Variants in NETO2 observed in about 807,000 individuals in gnomAD.
The protein encoded by NETO2 is neuropilin and tolloid-like protein 2.
Under a neutral mutation model 62.5 loss-of-function variants are expected in NETO2, and 28 were observed. The ratio of observed to expected loss-of-function variants is 0.45; its 90% CI spans 0.33 to 0.61. NETO2 has a LOEUF of 0.61. Ranked by LOEUF, NETO2 falls within the 20% of genes least tolerant of loss-of-function variation. The pLI is 0.02. For missense variants in NETO2, 548 were observed against 643.2 expected (o/e 0.85, Z 1.60); for synonymous variants, 214 against 219.1 (o/e 0.98, Z 0.21).
chr16:47,143,442 A>T, intron 1 of NETO2, 137 bp downstream of exon 1: 1 of 1,065,248 alleles, frequency 9.4e-7, no homozygotes, highest in Non-Finnish European at 1.2e-6. Context: ...GTCCGCTCCG[A>T]GTAGCCGCGA....
chr16:47,131,278 A>G (rs1170830287), intron 2 of NETO2, among the ~76,000 whole-genome samples: 1 of 152,128 alleles, frequency 6.6e-6, no homozygotes, highest in Non-Finnish European at 1.5e-5. Context: ...ACGGTGAAAA[A>G]TCATTATCTA....
chr16:47,110,561 C>A (rs1365943298), intron 6 of NETO2, among the ~76,000 whole-genome samples: 3 of 152,152 alleles, frequency 2.0e-5, no homozygotes, highest in Non-Finnish European at 4.4e-5. Flanking sequence ...AAATGTGCGT[C>A]CTTCTCATTC....
chr16:47,128,049 A>T (rs1964191538), intron 4 of NETO2, among the ~76,000 whole-genome samples: 1 of 152,084 alleles, frequency 6.6e-6, no homozygotes, highest in Admixed American at 6.5e-5. Context: ...AATGTATTTT[A>T]AATGTTAGCC....
Position 47,128,473 on chromosome 16 carries a change from T to C in NETO2, c.333A>G (p.Pro111=), listed in dbSNP as rs1244668900. ...RFDHLEVRDG[P]FGFSPLIDRY... The stretch of plus-strand genomic sequence containing the variant: ...GATCTATAAGAGGAGAGAAACCAAA[T>C]GGCCCATCTCGAACTTCCAAGTGAT... The change falls in exon 4 of 9, where the codon CCA becomes CCG. Residue 111 remains proline (P), a synonymous_variant. Coordinates refer to ENST00000562435, the MANE Select transcript of NETO2 (RefSeq NM_018092.5). The C allele has an allele frequency of 1.9e-6, 3 of 1,613,976 alleles. No individual in the cohort carries two copies. The highest frequency in any genetic ancestry group is 2.7e-5 in the African/African-American group (2 of 74,936).
intron 6 of NETO2, among the ~76,000 whole-genome samples, chr16:47,111,342 G>A (rs1336449822): frequency 2.6e-5 from 4 of 151,974 alleles, no homozygotes; most frequent in African/African-American, 9.7e-5. Flanking sequence ...ATTATATAAG[G>A]CTATAGTAAA....
At position 47,107,278 on chromosome 16, in the gene NETO2, C is replaced by CT. The variant is rs796438740; in HGVS notation, c.883+2204_883+2205insA. On this transcript the variant is annotated intron_variant, in intron 7 of 8. Coordinates refer to ENST00000562435, the MANE Select transcript of NETO2 (RefSeq NM_018092.5). ...AAGTGTCCCTCTTGGGATGTGGGCT[C>CT]CTAGGAACAACAATTATGTTTCCAC... Among the ~76,000 whole-genome samples the CT allele has an allele frequency of 6.8e-4, 103 of 152,212 alleles. 1 individual carries two copies. The highest frequency in any genetic ancestry group is 2.3e-3 in the African/African-American group (97 of 41,530).
At chr16:47,138,584 A>G (rs1287645281) in intron 1 of NETO2, among the ~76,000 whole-genome samples, 1 of 152,212 alleles carries the variant, frequency 6.6e-6, no homozygotes, top group Non-Finnish European at 1.5e-5. Flanking sequence ...CATTTTGGGG[A>G]ACTGTGCGCT....
chr16:47,117,240 CA>C (rs2143939473), intron 6 of NETO2, among the ~76,000 whole-genome samples: 1 of 152,148 alleles, frequency 6.6e-6, no homozygotes, highest in East Asian at 1.9e-4. Context: ...AATAGTCATT[CA>C]AATCACTGCT....
rs1356513541 is a variant in NETO2 at position 47,082,339 on chromosome 16, G to GT, written c.*881dup. On this transcript the variant is annotated 3_prime_UTR_variant, in exon 9 of 9. Transcript: ENST00000562435. Reference sequence around the variant, plus strand: ...GCGAAGAGAAACATTGCAAATAAATGTAATTATAGGCCTCTCCCAAAGTGA... The same window carrying GT: ...GCGAAGAGAAACATTGCAAATAAATGTTAATTATAGGCCTCTCCCAAAGTGA... The GT allele has an allele frequency of 6.6e-6, 1 of 152,156 alleles. No homozygotes were observed. 9.4% of individuals were successfully genotyped at this position (152,156 alleles called of 1,614,324 possible). A position where few individuals can be genotyped will look rare whatever the true frequency, so the allele number is the denominator to read the frequency against.
intron 7 of NETO2, among the ~76,000 whole-genome samples, chr16:47,097,433 G>A (rs1054179634): frequency 8.5e-5 from 13 of 152,206 alleles, no homozygotes; most frequent in Non-Finnish European, 1.5e-4. Flanking sequence ...AGAGCCCACC[G>A]CAGCTCAGCA....
intron 6 of NETO2, among the ~76,000 whole-genome samples, chr16:47,119,502 T>C (rs1963994969): frequency 6.6e-6 from 1 of 152,114 alleles, no homozygotes; most frequent in Admixed American, 6.5e-5. Context: ...CTGCCTGTTG[T>C]TACCTTTTAC....
At chr16:47,138,902 G>A (rs1964410504) in intron 1 of NETO2, among the ~76,000 whole-genome samples, 1 of 152,194 alleles carries the variant, frequency 6.6e-6, no homozygotes, top group African/African-American at 2.4e-5. Context: ...AACACATCAA[G>A]CTAATTCTTG....
At chr16:47,116,728 C>T (rs1165736540) in intron 6 of NETO2, among the ~76,000 whole-genome samples, 2 of 152,096 alleles carry the variant, frequency 1.3e-5, no homozygotes, top group African/African-American at 2.4e-5. Context: ...AATTTGCCAG[C>T]GAACCCATCT....
chr16:47,102,867 C>T (rs181909372), intron 7 of NETO2, among the ~76,000 whole-genome samples: 10 of 151,982 alleles, frequency 6.6e-5, no homozygotes, highest in Admixed American at 6.6e-5. Context: ...GTTCAACCAT[C>T]GTAGAAGAGT....
rs1244902526 is a variant in NETO2, at chr16:47,081,169, A to G, written c.*2052T>C. ...TCTAAAGATTAAATATAGGTTTAAC[A>G]GCTATTTTAAAAAATGAATAATTTT... is the stretch of plus-strand genomic sequence containing the variant. On this transcript the variant is annotated 3_prime_UTR_variant, in exon 9 of 9. Transcript: ENST00000562435. 1 of 152,206 alleles carries G rather than the reference A, an allele frequency of 6.6e-6. No homozygotes were observed. Among genetic ancestry groups the G allele is most frequent in the Non-Finnish European group, 1.5e-5 (1 of 68,006 alleles). 9.4% of individuals were successfully genotyped at this position (152,206 alleles called of 1,614,324 possible).
At chr16:47,093,103 A>G (rs1057196015) in intron 7 of NETO2, among the ~76,000 whole-genome samples, 9 of 152,194 alleles carry the variant, frequency 5.9e-5, no homozygotes, top group Non-Finnish European at 1.0e-4. Flanking sequence ...ATGTTACTTT[A>G]TAGTGTCAAC....
chr16:47,119,677 G>A (rs1268705534), intron 6 of NETO2, among the ~76,000 whole-genome samples: 1 of 151,370 alleles, frequency 6.6e-6, no homozygotes, highest in Non-Finnish European at 1.5e-5. Context: ...TGTTTTAGCT[G>A]TACCGCAGTT....
At chr16:47,090,701 T>C (rs191231012) in intron 7 of NETO2, among the ~76,000 whole-genome samples, 7 of 152,246 alleles carry the variant, frequency 4.6e-5, no homozygotes, top group Admixed American at 2.6e-4. Context: ...ACATTACGGG[T>C]TTATTCTAAC....
intron 6 of NETO2, among the ~76,000 whole-genome samples, chr16:47,111,821 C>T (rs534545426): frequency 3.3e-5 from 5 of 152,056 alleles, no homozygotes; most frequent in Non-Finnish European, 7.4e-5. Flanking sequence ...CATCTCTCTG[C>T]GTTGCTCTCT....
Sources: gnomAD v4.1 joint callset for allele counts (sites outside exome capture counted in the v4.1 genomes callset) on GRCh38, gnomAD v4.1.1 for gene constraint, MANE v1.5 for transcripts, NCBI Gene and HGNC (gene_info 2026-07-23, HGNC 2026-07-21) for gene names.